The following FGF13 variants were observed in gnomAD, a reference collection of about 807,000 sequenced individuals.
FGF13 encodes the protein fibroblast growth factor homologous factor 2.
A neutral mutation model predicts 19.5 loss-of-function variants in FGF13; 2 were observed. That is an observed-to-expected ratio of 0.10 (90% CI 0.04 to 0.32). The LOEUF (loss-of-function observed/expected upper bound fraction) is 0.32. FGF13 is among the 10% of genes least tolerant of loss of function. The pLI, the probability that FGF13 is intolerant of heterozygous loss-of-function variation, is 1.00. For missense variants in FGF13, 113 were observed against 192.7 expected, an observed-to-expected ratio of 0.59 and a Z score of 2.45; for synonymous variants, 72 against 76.9, an observed-to-expected ratio of 0.94 and a Z score of 0.33.
chrX:138,742,489 G>GCTCTCT (rs10605205), upstream of FGF13, among the ~76,000 whole-genome samples: 1 of 103,798 alleles, frequency 9.6e-6, no homozygotes, highest in Non-Finnish European at 2.0e-5. Context: ...TCAGCAAGGG[G>GCTCTCT]CTCTCTCTCT....
intron 3 of FGF13, among the ~76,000 whole-genome samples, chrX:138,648,475 TA>T (rs976126530): frequency 1.8e-5 from 2 of 111,303 alleles, no homozygotes; most frequent in African/African-American, 6.5e-5. Flanking sequence ...AAGTAGGAGA[TA>T]TTTTTTTCTT....
At chrX:139,038,918 A>G (rs921984275) in intron 1 of FGF13, among the ~76,000 whole-genome samples, 3 of 112,266 alleles carry the variant, frequency 2.7e-5, no homozygotes, top group Non-Finnish European at 5.6e-5. Flanking sequence ...TATTCTGTAC[A>G]ATGTCATTAC....
intron 3 of FGF13, among the ~76,000 whole-genome samples, chrX:138,787,554 T>G (rs971714500): frequency 3.6e-5 from 4 of 111,918 alleles, no homozygotes; most frequent in Admixed American, 1.9e-4. Flanking sequence ...TTTGTTTGTT[T>G]ATTTTGCTCT....
chrX:138,921,318 T>C (rs1246793487), intron 1 of FGF13, among the ~76,000 whole-genome samples: 1 of 112,122 alleles, frequency 8.9e-6, no homozygotes, highest in Non-Finnish European at 1.9e-5. Flanking sequence ...AGTTGTGCAA[T>C]GTGAACTCCA....
At position 138,874,009 on chromosome X, in the gene FGF13, GGGGGGGA is replaced by G. The variant is rs1310652236; in HGVS notation, c.-112-9366_-112-9360del. ...CACACACCGGGGCCTGTTGTGGGGT[GGGGGGGA>G]GGGGGGAGGGGTAGCATTAGGAGAT... On this transcript the variant is annotated intron_variant, in intron 1 of 2. Transcript: ENST00000421460. Among the ~76,000 whole-genome samples, 817 of 91,199 alleles carry G rather than the reference GGGGGGGA, an allele frequency of 9.0e-3. 7 individuals are homozygous for G. The highest frequency in any genetic ancestry group is 0.033 in the African/African-American group (768 of 23,062). 79.2% of individuals were successfully genotyped at this position (91,199 alleles called of 115,157 possible). A position where few individuals can be genotyped will look rare whatever the true frequency, so the allele number is the denominator to read the frequency against.
At chrX:138,797,661 A>G (rs1452893447) in intron 3 of FGF13, among the ~76,000 whole-genome samples, 1 of 111,050 alleles carries the variant, frequency 9.0e-6, no homozygotes, top group Admixed American at 9.5e-5. Context: ...CAGTGTGGCC[A>G]TTTTCACGAT....
intron 1 of FGF13, among the ~76,000 whole-genome samples, chrX:138,721,275 GAA>G (rs987402099): frequency 8.9e-6 from 1 of 111,776 alleles, no homozygotes; most frequent in Non-Finnish European, 1.9e-5. Context: ...AAGATTGTGT[GAA>G]AAGACTGTCC....
intron 1 of FGF13, among the ~76,000 whole-genome samples, chrX:138,914,705 T>C (rs2091609532): frequency 9.1e-6 from 1 of 109,839 alleles, no homozygotes; most frequent in Admixed American, 9.8e-5. Flanking sequence ...TCTTTTTTAT[T>C]TGTACAAAAA....
intron 1 of FGF13, among the ~76,000 whole-genome samples, chrX:139,144,771 A>C (rs1361838541): frequency 9.0e-6 from 1 of 111,594 alleles, no homozygotes; most frequent in Non-Finnish European, 1.9e-5. Context: ...TGGCAGAGAA[A>C]AAAAGGGTGA....
At chrX:138,932,581 G>A (rs373565274) in intron 1 of FGF13, among the ~76,000 whole-genome samples, 2 of 110,330 alleles carry the variant, frequency 1.8e-5, no homozygotes, top group East Asian at 5.8e-4. Flanking sequence ...CAGCTTGGGC[G>A]ACAGAGACCG....
intron 1 of FGF13, among the ~76,000 whole-genome samples, chrX:138,966,987 T>C (rs2091897625): frequency 9.0e-6 from 1 of 110,876 alleles, no homozygotes; most frequent in Non-Finnish European, 1.9e-5. Flanking sequence ...TGTGAAGAGG[T>C]GCCTTCCACC....
At chrX:138,894,661 T>C (rs887265529) in intron 1 of FGF13, among the ~76,000 whole-genome samples, 6 of 110,569 alleles carry the variant, frequency 5.4e-5, no homozygotes, top group Non-Finnish European at 1.1e-4. Context: ...ACTGAAGCAA[T>C]AATTAATAGC....
In FGF13 at chrX:139,055,258, A is replaced by T. The variant is rs1375963793; in HGVS notation, c.-113+148158T>A. 7.2e-5 allele frequency among the ~76,000 whole-genome samples: 8 copies of T among 111,357 alleles called. No individual in the cohort carries two copies. The Admixed American group carries it at 7.6e-4, about 11-fold the overall frequency. Reference sequence around the variant, plus strand: ...AGAGTGGGCATCCTTGTCTTGTTCCAGTTCTCAGAGGGAATGCTTTCAACT... The same window carrying T: ...AGAGTGGGCATCCTTGTCTTGTTCCTGTTCTCAGAGGGAATGCTTTCAACT... On this transcript the variant is annotated intron_variant, in intron 1 of 2. Coordinates refer to the FGF13 transcript ENST00000421460.
chrX:138,676,482 A>T (rs2089667739), intron 3 of FGF13, among the ~76,000 whole-genome samples: 1 of 111,735 alleles, frequency 8.9e-6, no homozygotes, highest in Non-Finnish European at 1.9e-5. Context: ...ACTATGTCTC[A>T]TTGACTTCAT....
intron 3 of FGF13, among the ~76,000 whole-genome samples, chrX:138,800,220 C>T (rs2123994440): frequency 9.0e-6 from 1 of 111,579 alleles, no homozygotes; most frequent in African/African-American, 3.3e-5. Flanking sequence ...ACCAGTTTTT[C>T]CTTTCCATAT....
intron 1 of FGF13, among the ~76,000 whole-genome samples, chrX:139,053,100 C>T (rs765857353): frequency 1.9e-4 from 21 of 107,923 alleles, no homozygotes; most frequent in Non-Finnish European, 3.1e-4. Context: ...TGAGAACACA[C>T]GATGTTTGGC....
intron 3 of FGF13, among the ~76,000 whole-genome samples, chrX:138,810,233 T>G (rs2090910991): frequency 1.8e-5 from 2 of 111,757 alleles, no homozygotes; most frequent in Admixed American, 1.9e-4. Context: ...ATGGTACTGG[T>G]GCCAAAACAG....
At chrX:139,042,774 T>C (rs1390411638) in intron 1 of FGF13, among the ~76,000 whole-genome samples, 3 of 111,754 alleles carry the variant, frequency 2.7e-5, no homozygotes, top group African/African-American at 6.5e-5. Flanking sequence ...AGGTCACTTA[T>C]CATTGAGCGA....
At chrX:138,853,874 G>A (rs1466801577), downstream of FGF13, among the ~76,000 whole-genome samples, 1 of 111,298 alleles carries the variant, frequency 9.0e-6, no homozygotes, top group Non-Finnish European at 1.9e-5. Context: ...ATCTTGGTGT[G>A]ATTCTCTTTA....
Sources: gnomAD v4.1 joint callset for allele counts (sites outside exome capture counted in the v4.1 genomes callset) on GRCh38, gnomAD v4.1.1 for gene constraint, MANE v1.5 for transcripts, NCBI Gene and HGNC (gene_info 2026-07-23, HGNC 2026-07-21) for gene names.